Variants in CACNA1I observed in about 807,000 individuals in gnomAD.
CACNA1I encodes voltage-dependent T-type calcium channel subunit alpha-1I.
Under a neutral mutation model 201.6 loss-of-function variants are expected in CACNA1I, and 74 were observed. The observed-to-expected ratio is 0.37, with a 90% CI of 0.30 to 0.45. The LOEUF (loss-of-function observed/expected upper bound fraction) is 0.45. Among genes scored for constraint, CACNA1I ranks in the 20% least tolerant of loss-of-function variants. The pLI is 1.00. For missense variants in CACNA1I, 2,346 were observed against 3,138.1 expected (o/e 0.75, Z 6.03); for synonymous variants, 1,431 against 1,345.2 (o/e 1.06, Z -1.40).
chr22:39,612,974 T>C (rs1189078481), intron 3 of CACNA1I, among the ~76,000 whole-genome samples: 2 of 152,204 alleles, frequency 1.3e-5, no homozygotes, highest in African/African-American at 2.4e-5. Context: ...TGACAGATGA[T>C]CTGTGATTTC....
At chr22:39,610,732 C>T (rs554309878) in intron 3 of CACNA1I, among the ~76,000 whole-genome samples, 1 of 152,286 alleles carries the variant, frequency 6.6e-6, no homozygotes, top group East Asian at 1.9e-4. Flanking sequence ...ATGGTGTGTG[C>T]TCCTATCCCA....
chr22:39,606,922 A>G (rs563950415), intron 3 of CACNA1I, among the ~76,000 whole-genome samples: 4 of 152,250 alleles, frequency 2.6e-5, no homozygotes, highest in Non-Finnish European at 5.9e-5. Context: ...TTCTTGCTGA[A>G]CTTGAGACGT....
chr22:39,661,816 G>T, intron 16 of CACNA1I, 149 bp from the exon 17 acceptor site: 1 of 559,510 alleles, frequency 1.8e-6, no homozygotes, highest in Non-Finnish European at 3.1e-6. Flanking sequence ...GACAGGGAGA[G>T]GAGCTCTAGG....
At chr22:39,596,593 C>T (rs1932900684) in intron 1 of CACNA1I, among the ~76,000 whole-genome samples, 1 of 151,376 alleles carries the variant, frequency 6.6e-6, no homozygotes, top group African/African-American at 2.4e-5. Flanking sequence ...CCCTGCAGGC[C>T]AGGCAAGGGC....
chr22:39,610,221 G>A (rs532408267), intron 3 of CACNA1I, among the ~76,000 whole-genome samples: 9 of 152,324 alleles, frequency 5.9e-5, no homozygotes, highest in Admixed American at 5.9e-4. Context: ...TGCACTGGGT[G>A]CTCTGAGGGC....
intron 34 of CACNA1I, among the ~76,000 whole-genome samples, chr22:39,681,418 C>T (rs893543279): frequency 2.6e-5 from 4 of 152,156 alleles, no homozygotes; most frequent in South Asian, 2.1e-4. Context: ...TGTGCGGGGG[C>T]GGTCGCGTCA....
At chr22:39,655,235 T>C (rs892714439) in intron 10 of CACNA1I, among the ~76,000 whole-genome samples, 1 of 145,540 alleles carries the variant, frequency 6.9e-6, no homozygotes, top group Non-Finnish European at 1.5e-5. Flanking sequence ...ATTATTATGA[T>C]GGGGATGGTG....
At chr22:39,640,361 C>A (rs1185411005) in intron 5 of CACNA1I, among the ~76,000 whole-genome samples, 1 of 152,018 alleles carries the variant, frequency 6.6e-6, no homozygotes, top group Non-Finnish European at 1.5e-5. Flanking sequence ...TGCACTCCAG[C>A]CTGGGTGACA....
At chr22:39,637,159 C>T (rs780908206) in intron 5 of CACNA1I, among the ~76,000 whole-genome samples, 6 of 152,210 alleles carry the variant, frequency 3.9e-5, no homozygotes, top group Non-Finnish European at 8.8e-5. Context: ...CCACTGCCCT[C>T]TGTACTGTCT....
At chr22:39,588,128 ATTTTT>A (rs35332612) in intron 1 of CACNA1I, among the ~76,000 whole-genome samples, 3 of 90,564 alleles carry the variant, frequency 3.3e-5, no homozygotes, top group African/African-American at 9.1e-5. Flanking sequence ...GTTGCTCTTC[ATTTTT>A]TTTTTTTTTT....
At chr22:39,626,119 A>C (rs1933893129) in intron 4 of CACNA1I, among the ~76,000 whole-genome samples, 1 of 152,058 alleles carries the variant, frequency 6.6e-6, no homozygotes, top group South Asian at 2.1e-4. Flanking sequence ...AACCAGCTGG[A>C]GGTTTGCTCT....
chr22:39,630,868 G>A (rs1934042364), intron 4 of CACNA1I, among the ~76,000 whole-genome samples: 1 of 152,242 alleles, frequency 6.6e-6, no homozygotes, highest in South Asian at 2.1e-4. Flanking sequence ...TCCTATGGCA[G>A]GGTGGAGGAG....
In CACNA1I at chr22:39,688,804, G is replaced by C. The variant is rs1240665570; in HGVS notation, c.*2399G>C. 1 of 152,438 alleles carries C rather than the reference G, an allele frequency of 6.6e-6. No individual in the cohort carries two copies. Among genetic ancestry groups the C allele is most frequent in the Non-Finnish European group, 1.5e-5 (1 of 68,190 alleles). 9.4% of individuals were successfully genotyped at this position (152,438 alleles called of 1,614,324 possible). A position where few individuals can be genotyped will look rare whatever the true frequency, so the allele number is the denominator to read the frequency against. ...GTTCTAGGCAAAGGGATGGGCATGA[G>C]CGAAGGCTCCAGGGTCCACAGAGCA... On this transcript the variant is annotated 3_prime_UTR_variant, in exon 37 of 37. Coordinates refer to ENST00000402142, the MANE Select transcript of CACNA1I (RefSeq NM_021096.4). This position sits in a 1 kb window ranked among gnomAD's most constrained non-coding sequence, Gnocchi z 4.8.
rs868311421 is a variant in CACNA1I, at chr22:39,685,291, C to T, written c.6028-470C>T. On this transcript the variant is annotated intron_variant, in intron 36 of 36. Transcript: ENST00000402142. The surrounding 1 kb of genome is among the most constrained non-coding windows in gnomAD (Gnocchi z 5.0). ...GGGAGGGGCTGCAGGTGGGGGGCCCCGGGGTTGGGAGGTGGGGGGCTCTGG... is the reference window on the plus strand; with the variant it reads ...GGGAGGGGCTGCAGGTGGGGGGCCCTGGGGTTGGGAGGTGGGGGGCTCTGG... 35 of 21,732 alleles carry T rather than the reference C, an allele frequency of 1.6e-3. No individual in the cohort carries two copies. The highest frequency in any genetic ancestry group is 0.019 in the Middle Eastern group (1 of 54). 1.3% of individuals were successfully genotyped at this position (21,732 alleles called of 1,614,324 possible). A position where few individuals can be genotyped will look rare whatever the true frequency, so the allele number is the denominator to read the frequency against.
Position 39,640,888 on chromosome 22 carries a change from C to T in CACNA1I, c.762C>T (p.Pro254=). Residue 254 remains proline, a synonymous_variant, in exon 6 of 37, where the codon CCC becomes CCT. Coordinates refer to ENST00000402142, the MANE Select transcript of CACNA1I (RefSeq NM_021096.4). ...NFTIQGDVAL[P]PYYQPEEDDE... is the part of the protein sequence containing the mutation. ...ACAGACAAGGGGATGTGGCCTTGCC[C>T]CCATACTACCAGCCGGAGGAGGATG... 1 of 1,613,300 alleles carries T rather than the reference C, an allele frequency of 6.2e-7. No homozygotes were observed. The highest frequency in any genetic ancestry group is 8.5e-7 in the Non-Finnish European group (1 of 1,179,576).
intron 1 of CACNA1I, among the ~76,000 whole-genome samples, chr22:39,586,438 G>A (rs1894640978): frequency 6.6e-6 from 1 of 152,150 alleles, no homozygotes; most frequent in South Asian, 2.1e-4. Context: ...GTTGCAGTGA[G>A]CCAAGATAGT....
chr22:39,620,351 C>T (rs1475494710), intron 4 of CACNA1I, among the ~76,000 whole-genome samples: 1 of 151,832 alleles, frequency 6.6e-6, no homozygotes, highest in African/African-American at 2.4e-5. Flanking sequence ...GTATAGTCAG[C>T]CAGACATCCA....
chr22:39,620,218 C>T (rs1354283059), intron 4 of CACNA1I, among the ~76,000 whole-genome samples: 4 of 146,344 alleles, frequency 2.7e-5, no homozygotes, highest in East Asian at 2.1e-4. Context: ...CATCCATCTA[C>T]CTGTCCACCC....
At position 39,684,231 on chromosome 22, in the gene CACNA1I, A is replaced by T; in HGVS notation, c.5831-71A>T. On this transcript the variant is annotated intron_variant, in intron 35 of 36. Coordinates refer to ENST00000402142, the MANE Select transcript of CACNA1I (RefSeq NM_021096.4). This position sits in a 1 kb window ranked among gnomAD's most constrained non-coding sequence, Gnocchi z 4.6. ...GCTGGCCCAGTGAGATTGGTGCTCA[A>T]TGCCACCTTCCAGGGGCTGCCCCCT... is the stretch of plus-strand genomic sequence containing the variant. The T allele has an allele frequency of 1.4e-6, 2 of 1,391,312 alleles. No homozygotes were observed. The highest frequency in any genetic ancestry group is 2.0e-6 in the Non-Finnish European group (2 of 996,202). 86.2% of individuals were successfully genotyped at this position (1,391,312 alleles called of 1,614,324 possible).
Sources: allele counts gnomAD v4.1 joint callset (sites outside exome capture counted in the v4.1 genomes callset), GRCh38; gene constraint gnomAD v4.1.1; non-coding constraint Gnocchi (gnomAD v3.1); transcripts MANE v1.5; gene names NCBI Gene and HGNC (gene_info 2026-07-23, HGNC 2026-07-21).